VPS13A: variants seen among roughly 807,000 people sequenced by gnomAD.
VPS13A encodes intermembrane lipid transfer protein VPS13A.
Under a neutral mutation model 390.9 loss-of-function variants are expected in VPS13A, and 264 were observed. That is an observed-to-expected ratio of 0.68 (90% confidence interval 0.61 to 0.75). VPS13A has a LOEUF of 0.75. VPS13A is among the 30% of genes least tolerant of loss of function. The pLI is 0.00. For synonymous variants in VPS13A, 1,231 were observed against 1,227.1 expected (o/e 1.00, Z -0.07); for missense variants, 3,409 against 3,733.9 (o/e 0.91, Z 2.27).
chr9:77,202,279 TTACTG>T (rs948601014), intron 3 of VPS13A, among the ~76,000 whole-genome samples: 1 of 152,130 alleles, frequency 6.6e-6, no homozygotes, highest in Non-Finnish European at 1.5e-5. Flanking sequence ...TAAAGACTGT[TTACTG>T]TAAGAGGGGG....
chr9:77,247,230 A>G (rs1470371765), intron 19 of VPS13A, 29 bp from the exon 20 acceptor site: 1 of 1,518,300 alleles, frequency 6.6e-7, no homozygotes, highest in Non-Finnish European at 9.0e-7. Flanking sequence ...TGTGAAAAGT[A>G]TTCATAGAAA....
intron 1 of VPS13A, among the ~76,000 whole-genome samples, chr9:77,194,651 A>G (rs1459474675): frequency 2.0e-5 from 3 of 152,162 alleles, no homozygotes; most frequent in Admixed American, 1.3e-4. Flanking sequence ...GGTCCATGAC[A>G]AGAACAGGCT....
chr9:77,322,732 C>A (rs1829817925), intron 44 of VPS13A, among the ~76,000 whole-genome samples: 1 of 151,940 alleles, frequency 6.6e-6, no homozygotes, highest in Admixed American at 6.6e-5. Context: ...TTGATATTTA[C>A]CAATGTCTAC....
chr9:77,220,944 T>C (rs1375810948), intron 12 of VPS13A, among the ~76,000 whole-genome samples: 1 of 152,102 alleles, frequency 6.6e-6, no homozygotes, highest in African/African-American at 2.4e-5. Flanking sequence ...ACAGTTCTTG[T>C]GTAGAACTAT....
At chr9:77,213,179 T>C (rs1826067882) in intron 8 of VPS13A, 55 bp from the exon 9 acceptor site, 1 of 1,568,672 alleles carries the variant, frequency 6.4e-7, no homozygotes, top group Non-Finnish European at 8.8e-7. Context: ...CTGAAAATAG[T>C]GTATGATAAA....
rs751937385 is a variant in VPS13A, at chr9:77,316,366, G to A, written c.4823G>A (p.Cys1608Tyr). The change falls in exon 39 of 72, where the codon TGC becomes TAC. Residue 1608 changes from cysteine (C) to tyrosine (Y), a missense_variant. This residue lies in a region of VPS13A where 2,717 missense variants were observed against 2,917.4 expected (regional missense o/e 0.93). Transcript: ENST00000360280. ...AAIKDLQVRA[C>Y]PFLPVKRKGK... is the part of the protein sequence containing the mutation. Reference sequence around the variant, plus strand: ...ATTAAAGATCTCCAAGTGAGAGCCTGCCCGTTTCTTCCAGTCAAGAGAAAA... The same window carrying A: ...ATTAAAGATCTCCAAGTGAGAGCCTACCCGTTTCTTCCAGTCAAGAGAAAA... The A allele has an allele frequency of 1.9e-6, 3 of 1,612,994 alleles. No homozygotes were observed. In the African/African-American group the frequency reaches 4.0e-5, roughly 22 times the overall value.
intron 26 of VPS13A, among the ~76,000 whole-genome samples, chr9:77,279,518 G>A (rs1411487878): frequency 1.3e-5 from 2 of 151,892 alleles, no homozygotes; most frequent in Middle Eastern, 6.3e-3. Flanking sequence ...TGGGTATGGT[G>A]GGCCAAAAGG....
At chr9:77,200,529 A>T (rs1251983279) in intron 2 of VPS13A, among the ~76,000 whole-genome samples, 1 of 151,924 alleles carries the variant, frequency 6.6e-6, no homozygotes, top group Non-Finnish European at 1.5e-5. Flanking sequence ...AAAAATACAG[A>T]TGTTTTTATT....
At chr9:77,183,402 C>G (rs983748583) in intron 1 of VPS13A, among the ~76,000 whole-genome samples, 2 of 152,058 alleles carry the variant, frequency 1.3e-5, no homozygotes, top group African/African-American at 4.8e-5. Flanking sequence ...CTTCTTGTCC[C>G]CAGGTTTTTG....
Position 77,281,052 on chromosome 9 carries a change from ATCT to A in VPS13A, c.2905-810_2905-808del, listed in dbSNP as rs1400989980. Reference sequence around the variant, plus strand: ...AGCACGGAAAGACAAATACCTCATGATCTTCTTTATGTGTGGAATCTAATAAAA... The same window carrying A: ...AGCACGGAAAGACAAATACCTCATGATCTTTATGTGTGGAATCTAATAAAA... On this transcript the variant is annotated intron_variant, in intron 27 of 71. Coordinates refer to ENST00000360280, the MANE Select transcript of VPS13A (RefSeq NM_033305.3). Among the ~76,000 whole-genome samples the A allele has an allele frequency of 1.1e-4, 17 of 151,984 alleles. No individual in the cohort carries two copies. In the East Asian group the frequency reaches 2.7e-3, roughly 24 times the overall value.
At chr9:77,350,095 T>G (rs1179361805) in intron 52 of VPS13A, among the ~76,000 whole-genome samples, 1 of 152,206 alleles carries the variant, frequency 6.6e-6, no homozygotes, top group Non-Finnish European at 1.5e-5. Flanking sequence ...ATTCCTTTTT[T>G]GTTATTGAAG....
intron 53 of VPS13A, among the ~76,000 whole-genome samples, chr9:77,353,069 A>G (rs1411444896): frequency 6.6e-6 from 1 of 152,122 alleles, no homozygotes; most frequent in African/African-American, 2.4e-5. Context: ...TTTAATACAT[A>G]TCACATTGCT....
chr9:77,358,157 T>C (rs143971072), intron 56 of VPS13A, among the ~76,000 whole-genome samples, 200 bp from the exon 57 acceptor site: 157 of 151,918 alleles, frequency 1.0e-3, no homozygotes, highest in African/African-American at 3.6e-3. Flanking sequence ...GGTTTCACCA[T>C]GTGGGCCAGG....
chr9:77,181,515 C>CAAAAAAAAAAAAAAAAAAAAAAAAAAAA, intron 1 of VPS13A, among the ~76,000 whole-genome samples: 1 of 80,290 alleles, frequency 1.2e-5, no homozygotes, highest in Non-Finnish European at 2.5e-5. Context: ...GACCCTGCCT[C>CAAAAAAAAAAAAAAAAAAAAAAAAAAAA]AAAAAAAAAA....
rs976376508 is a variant in VPS13A at position 77,358,303 on chromosome 9, G to A, written c.7954-54G>A. ...TTTGTTCCTCAAATCCTGTTATTCT[G>A]GTCAGGTTGTATAATTGACATATTA... On this transcript the variant is annotated intron_variant, in intron 56 of 71. Coordinates refer to ENST00000360280, the MANE Select transcript of VPS13A (RefSeq NM_033305.3). 61 of 1,406,080 alleles carry A rather than the reference G, an allele frequency of 4.3e-5. No homozygotes were observed. In the East Asian group the frequency reaches 1.4e-3, roughly 31 times the overall value. 87.1% of individuals were successfully genotyped at this position (1,406,080 alleles called of 1,614,324 possible).
chr9:77,246,512 G>C (rs1042540863), intron 19 of VPS13A, among the ~76,000 whole-genome samples: 63 of 152,084 alleles, frequency 4.1e-4, no homozygotes, highest in Non-Finnish European at 7.8e-4. Flanking sequence ...TTGTTTGAGT[G>C]TCAGATCTTT....
chr9:77,406,552 G>A (rs1217052341), intron 70 of VPS13A, among the ~76,000 whole-genome samples: 1 of 151,960 alleles, frequency 6.6e-6, no homozygotes, highest in African/African-American at 2.4e-5. Context: ...TGAGTAGCTG[G>A]GATTACAGGC....
At chr9:77,281,030 A>G (rs777762256) in intron 27 of VPS13A, among the ~76,000 whole-genome samples, 3 of 152,164 alleles carry the variant, frequency 2.0e-5, no homozygotes, top group Non-Finnish European at 4.4e-5. Context: ...TAAGCCAAGC[A>G]CGGAAAGACA....
At chr9:77,370,053 G>A (rs924349910) in intron 63 of VPS13A, among the ~76,000 whole-genome samples, 4 of 152,114 alleles carry the variant, frequency 2.6e-5, no homozygotes, top group Admixed American at 6.6e-5. Flanking sequence ...AAGGGTCAGC[G>A]TCTAACATTA....
Sources: allele counts gnomAD v4.1 joint callset (sites outside exome capture counted in the v4.1 genomes callset), GRCh38; gene constraint gnomAD v4.1.1; regional missense constraint gnomAD v4.1.1; transcripts MANE v1.5; gene names NCBI Gene and HGNC (gene_info 2026-07-23, HGNC 2026-07-21).